The following PLA2G6 variants were observed in gnomAD, a reference collection of about 807,000 sequenced individuals.
PLA2G6 encodes phospholipase A2 group VI.
Under a neutral mutation model 83.8 loss-of-function variants are expected in PLA2G6, and 62 were observed. The observed-to-expected ratio is 0.74, with a 90% CI of 0.60 to 0.91. PLA2G6 has a LOEUF of 0.91. PLA2G6 is among the 40% of genes least tolerant of loss of function. The pLI is 0.00. For synonymous variants in PLA2G6, 417 were observed against 449.8 expected (o/e 0.93, Z 0.92); for missense variants, 944 against 1,102.0 (o/e 0.86, Z 2.03).
chr22:38,177,458 CTTT>C (rs72012543), intron 1 of PLA2G6, among the ~76,000 whole-genome samples: 8,263 of 115,532 alleles, frequency 0.072, 394 homozygotes, highest in African/African-American at 0.15. Flanking sequence ...TAAATTGCCA[CTTT>C]TTTTTTTTTT....
intron 2 of PLA2G6, among the ~76,000 whole-genome samples, chr22:38,165,746 G>A (rs2090189725): frequency 6.6e-6 from 1 of 152,144 alleles, no homozygotes; most frequent in Non-Finnish European, 1.5e-5. Context: ...TGGGCGTGGT[G>A]GCGGGCGCCT....
Position 38,123,075 on chromosome 22 carries a change from TC to T in PLA2G6, c.1591+19del. ...CAGGTCTCAGCCCCGCCTGGCCCCA[TC>T]CCCAGGGGCCGCCCTCACTGTGCAG... On this transcript the variant is annotated intron_variant, in intron 11 of 16. Transcript: ENST00000332509. The surrounding 1 kb of genome is among the most constrained non-coding windows in gnomAD (Gnocchi z 4.1). The T allele has an allele frequency of 6.5e-7, 1 of 1,545,730 alleles. No individual in the cohort carries two copies.
At chr22:38,121,524 T>G (rs2145715288) in intron 11 of PLA2G6, among the ~76,000 whole-genome samples, 1 of 152,302 alleles carries the variant, frequency 6.6e-6, no homozygotes, top group South Asian at 2.1e-4. Context: ...CCTTTGAGCC[T>G]TCAGAACAGA....
intron 11 of PLA2G6, 56 bp from the exon 12 acceptor site, chr22:38,120,965 G>A (rs537635198): frequency 3.3e-5 from 53 of 1,599,458 alleles, no homozygotes; most frequent in African/African-American, 2.5e-4. Flanking sequence ...CAGGGCTCCC[G>A]TAGAACAGCC....
intron 2 of PLA2G6, among the ~76,000 whole-genome samples, chr22:38,163,146 G>A (rs1283668545): frequency 5.3e-5 from 8 of 152,280 alleles, no homozygotes; most frequent in East Asian, 1.9e-4. Context: ...GGACCCTCAC[G>A]CTAGAGCAGT....
Position 38,123,354 on chromosome 22 carries a change from T to C in PLA2G6, c.1428-96A>G. 1 of 1,323,138 alleles carries C rather than the reference T, an allele frequency of 7.6e-7. No individual in the cohort carries two copies. The highest frequency in any genetic ancestry group is 1.1e-6 in the Non-Finnish European group (1 of 946,394). The allele number at this position is 1,323,138 out of a possible 1,614,324, so 82.0% of individuals were successfully genotyped here. ...GCCCTTGTCCCCTGCAGCTGTGTCC[T>C]GGCAGACAGACCCAGACGGACCCGA... On this transcript the variant is annotated intron_variant, in intron 10 of 16. Coordinates refer to ENST00000332509, the MANE Select transcript of PLA2G6 (RefSeq NM_003560.4). The surrounding 1 kb of genome is among the most constrained non-coding windows in gnomAD (Gnocchi z 4.1).
At position 38,140,044 on chromosome 22, in the gene PLA2G6, C is replaced by A. The variant is rs768786643; in HGVS notation, c.735G>T (p.Arg245=). 14 of 1,613,210 alleles carry A rather than the reference C, an allele frequency of 8.7e-6. No homozygotes were observed. The highest frequency in any genetic ancestry group is 6.7e-5 in the African/African-American group (5 of 74,874). The change falls in exon 5 of 17, where the codon CGG becomes CGT. Residue 245 remains arginine, a synonymous_variant. Transcript: ENST00000332509. ...AGCCGTTGGGGCCCATGATGTTGCA[C>A]CGAGCATTGCACAGCAGCAGCACGC... is the stretch of plus-strand genomic sequence containing the variant. ...MVRVLLLCNA[R]CNIMGPNGYP...
At chr22:38,149,504 T>C (rs904514678) in intron 2 of PLA2G6, 1 of 151,892 alleles carries the variant, frequency 6.6e-6, no homozygotes, top group Non-Finnish European at 1.5e-5. Context: ...CAAAATATAG[T>C]AGAGTACATA....
chr22:38,143,887 C>T (rs374076268), intron 3 of PLA2G6: 2 of 190,888 alleles, frequency 1.0e-5, no homozygotes, highest in East Asian at 1.3e-4. Context: ...GGATTACAGG[C>T]GTGCGCCACC....
At position 38,169,525 on chromosome 22, in the gene PLA2G6, C is replaced by T. The variant is rs117398677; in HGVS notation, c.-45-54G>A. The T allele has an allele frequency of 2.2e-3, 2,216 of 1,000,752 alleles. 60 individuals are homozygous for T. The East Asian group carries it at 0.047, about 21-fold the overall frequency. The allele number at this position is 1,000,752 out of a possible 1,614,324, so 62.0% of individuals were successfully genotyped here. On this transcript the variant is annotated intron_variant, in intron 1 of 16. Coordinates refer to ENST00000332509, the MANE Select transcript of PLA2G6 (RefSeq NM_003560.4). The stretch of plus-strand genomic sequence containing the variant: ...CAGGCACAGTCTCCCATGCCCATCT[C>T]ACCCAGTGCAGCGGTTTCCTGCACA...
At chr22:38,153,894 C>T (rs979686217) in intron 2 of PLA2G6, among the ~76,000 whole-genome samples, 1 of 152,174 alleles carries the variant, frequency 6.6e-6, no homozygotes, top group Non-Finnish European at 1.5e-5. Flanking sequence ...GAGTCCCAGG[C>T]CTGGCAGTGT....
At chr22:38,112,795 A>C (rs1421294531) in intron 15 of PLA2G6, 1 of 607,882 alleles carries the variant, frequency 1.6e-6, no homozygotes, top group East Asian at 2.8e-5. Context: ...AGGTCTCAGC[A>C]GTGCCCTTTC....
chr22:38,179,681 G>A (rs1342254439), intron 1 of PLA2G6, among the ~76,000 whole-genome samples: 1 of 152,200 alleles, frequency 6.6e-6, no homozygotes, highest in Non-Finnish European at 1.5e-5. Flanking sequence ...TACTTGGGAG[G>A]CTGAGGCAGG....
intron 2 of PLA2G6, among the ~76,000 whole-genome samples, chr22:38,166,786 G>A (rs1389324677): frequency 6.6e-6 from 1 of 152,134 alleles, no homozygotes. Flanking sequence ...ACAGAGAAAT[G>A]AATTGGGAAC....
chr22:38,171,043 A>G (rs2090417150), intron 1 of PLA2G6, among the ~76,000 whole-genome samples: 1 of 151,970 alleles, frequency 6.6e-6, no homozygotes, highest in Admixed American at 6.6e-5. Flanking sequence ...ATGGTGGCGC[A>G]TGCCTGTAAT....
At chr22:38,122,088 C>T (rs540856010) in intron 11 of PLA2G6, among the ~76,000 whole-genome samples, 1 of 152,280 alleles carries the variant, frequency 6.6e-6, no homozygotes, top group East Asian at 1.9e-4. Context: ...ACTCTGTCCC[C>T]AGCACCTCCT....
At chr22:38,148,940 C>A in intron 2 of PLA2G6, 1 of 171,502 alleles carries the variant, frequency 5.8e-6, no homozygotes, top group South Asian at 1.3e-4. Flanking sequence ...GATCTCGGCT[C>A]ACTGCAACCT....
intron 9 of PLA2G6, among the ~76,000 whole-genome samples, chr22:38,127,851 G>A (rs1400751097): frequency 6.6e-6 from 1 of 152,170 alleles, no homozygotes; most frequent in Non-Finnish European, 1.5e-5. Flanking sequence ...CAGGTCTCAG[G>A]CCCAACCGAG....
intron 2 of PLA2G6, among the ~76,000 whole-genome samples, chr22:38,165,509 C>T (rs1376667484): frequency 6.6e-6 from 1 of 152,182 alleles, no homozygotes; most frequent in Non-Finnish European, 1.5e-5. Flanking sequence ...GCGGCATGAG[C>T]TGAGAACACA....
Sources: allele counts gnomAD v4.1 joint callset (sites outside exome capture counted in the v4.1 genomes callset), GRCh38; gene constraint gnomAD v4.1.1; non-coding constraint Gnocchi (gnomAD v3.1); transcripts MANE v1.5; gene names NCBI Gene and HGNC (gene_info 2026-07-23, HGNC 2026-07-21).